CAPN13: variants seen among roughly 807,000 people sequenced by gnomAD.
CAPN13 encodes calpain-13.
CAPN13 carries 90 observed loss-of-function variants against 98.4 expected under a neutral mutation model. The ratio of observed to expected loss-of-function variants is 0.92; its 90% CI spans 0.77 to 1.09. CAPN13 has a LOEUF of 1.09. Ranked by LOEUF, CAPN13 falls within the 50% of genes least tolerant of loss-of-function variation. CAPN13 has a pLI of 0.00. For missense variants in CAPN13, 887 were observed against 841.3 expected (o/e 1.05, Z -0.67); for synonymous variants, 330 against 305.5 (o/e 1.08, Z -0.84).
At chr2:30,766,418 T>C (rs923454176) in intron 5 of CAPN13, among the ~76,000 whole-genome samples, 1 of 152,228 alleles carries the variant, frequency 6.6e-6, no homozygotes, top group Non-Finnish European at 1.5e-5. Flanking sequence ...ACAACGCCCA[T>C]GAAACCTGTC....
chr2:30,756,081 G>A (rs954884481), intron 8 of CAPN13, among the ~76,000 whole-genome samples: 1 of 151,974 alleles, frequency 6.6e-6, no homozygotes, highest in African/African-American at 2.4e-5. Context: ...GGTACAATAC[G>A]AGATCCAACA....
At chr2:30,741,217 G>A (rs747586146) in intron 15 of CAPN13, among the ~76,000 whole-genome samples, 4 of 152,070 alleles carry the variant, frequency 2.6e-5, no homozygotes, top group Non-Finnish European at 5.9e-5. Flanking sequence ...TCCCTACTTT[G>A]GCCCAGGCTG....
chr2:30,757,856 G>A (rs1202176949), intron 8 of CAPN13, among the ~76,000 whole-genome samples, 190 bp downstream of exon 8: 1 of 152,190 alleles, frequency 6.6e-6, no homozygotes, highest in African/African-American at 2.4e-5. Flanking sequence ...TACACAGTAG[G>A]TGCCCCATAG....
At chr2:30,734,753 C>T (rs184942810) in intron 18 of CAPN13, among the ~76,000 whole-genome samples, 16 of 152,328 alleles carry the variant, frequency 1.1e-4, no homozygotes, top group African/African-American at 3.8e-4. Flanking sequence ...TCTGTGCCCC[C>T]AGACTGGGCC....
At chr2:30,800,873 G>C (rs1675230041) in intron 1 of CAPN13, among the ~76,000 whole-genome samples, 1 of 152,164 alleles carries the variant, frequency 6.6e-6, no homozygotes, top group African/African-American at 2.4e-5. Flanking sequence ...ATGAGGTAGA[G>C]CATTCTTTTT....
chr2:30,761,013 C>A (rs986332600), intron 7 of CAPN13, among the ~76,000 whole-genome samples: 1 of 152,178 alleles, frequency 6.6e-6, no homozygotes, highest in African/African-American at 2.4e-5. Flanking sequence ...TTATTCCTAG[C>A]AAAAATGGTT....
intron 17 of CAPN13, 96 bp from the exon 18 acceptor site, chr2:30,736,667 C>A: frequency 9.1e-7 from 1 of 1,095,706 alleles, no homozygotes; most frequent in Non-Finnish European, 1.4e-6. Context: ...TCATCACTAG[C>A]AACACAGCTG....
chr2:30,745,802 A>T, intron 11 of CAPN13, 68 bp from the exon 12 acceptor site: 1 of 1,403,986 alleles, frequency 7.1e-7, no homozygotes, highest in Non-Finnish European at 9.8e-7. Flanking sequence ...GCAGAACCGA[A>T]CAGCTTGGCT....
chr2:30,776,010 T>C lies in CAPN13; in HGVS notation c.307A>G (p.Thr103Ala), dbSNP rs1192193003. The stretch of plus-strand genomic sequence containing the variant: ...TTCTGCCTGTACTGTGGGTTCTGAG[T>C]CAAGGATCCCAGTGCTGCCAGGAAC... ...CWFLAALGSL[T>A]QNPQYRQKIL... is the part of the protein sequence containing the mutation. The change falls in exon 4 of 23, where the codon ACT becomes GCT. Residue 103 changes from threonine (T) to alanine (A), a missense_variant. Physicochemically the swap from Thr to Ala is moderately conservative, Grantham distance 58. Transcript: ENST00000295055. The C allele has an allele frequency of 6.2e-7, 1 of 1,612,696 alleles. No homozygotes were observed. Among genetic ancestry groups the C allele is most frequent in the Non-Finnish European group, 8.5e-7 (1 of 1,179,314 alleles).
intron 8 of CAPN13, among the ~76,000 whole-genome samples, chr2:30,755,068 A>G (rs1672374195): frequency 6.6e-6 from 1 of 151,574 alleles, no homozygotes. Context: ...TTCTCACCTT[A>G]CCCCCACTCT....
At position 30,734,546 on chromosome 2, in the gene CAPN13, G is replaced by A. The variant is rs774276481; in HGVS notation, c.1723-22C>T. ...CATGCTAATAGGGGAAGAGAAGCAA[G>A]AAGTCTGTGTGAAGACTGGGAAGGT... On this transcript the variant is annotated intron_variant, in intron 18 of 22. Coordinates refer to ENST00000295055, the MANE Select transcript of CAPN13 (RefSeq NM_144575.3). 6 of 1,599,492 alleles carry A rather than the reference G, an allele frequency of 3.8e-6. No homozygotes were observed. In the African/African-American group the frequency reaches 6.7e-5, roughly 18 times the overall value.
chr2:30,760,942 C>A (rs1205824713), intron 7 of CAPN13, among the ~76,000 whole-genome samples: 2 of 152,212 alleles, frequency 1.3e-5, no homozygotes, highest in Non-Finnish European at 2.9e-5. Context: ...AGTTATCTAC[C>A]CTGCAGTAGT....
chr2:30,785,328 C>T (rs1674214491), intron 2 of CAPN13, among the ~76,000 whole-genome samples: 1 of 152,096 alleles, frequency 6.6e-6, no homozygotes, highest in East Asian at 1.9e-4. Flanking sequence ...GAAAACAAAG[C>T]AGATAAAGTA....
At chr2:30,724,621 A>G (rs1351015850) in intron 22 of CAPN13, among the ~76,000 whole-genome samples, 1 of 152,226 alleles carries the variant, frequency 6.6e-6, no homozygotes, top group Non-Finnish European at 1.5e-5. Context: ...AGCCAGCTCC[A>G]GAAGGCTGGA....
chr2:30,764,828 G>A (rs12478932), intron 5 of CAPN13, among the ~76,000 whole-genome samples: 14,699 of 152,112 alleles, frequency 0.097, 1,442 homozygotes, highest in East Asian at 0.43. Context: ...TGCCCTCTAA[G>A]AGCTCATAGC....
At chr2:30,796,334 T>A (rs1674882689) in intron 1 of CAPN13, among the ~76,000 whole-genome samples, 1 of 151,508 alleles carries the variant, frequency 6.6e-6, no homozygotes, top group Admixed American at 6.6e-5. Flanking sequence ...ATTGAGTAGG[T>A]TGTATATCAC....
In CAPN13 at chr2:30,758,982, TC is replaced by T. The variant is rs1188700377; in HGVS notation, c.775-846del. Among the ~76,000 whole-genome samples, 365 of 124,472 alleles carry T rather than the reference TC, an allele frequency of 2.9e-3. 1 individual carries two copies. Among genetic ancestry groups the T allele is most frequent in the Non-Finnish European group, 5.0e-3 (305 of 60,492 alleles). 81.7% of individuals were successfully genotyped at this position (124,472 alleles called of 152,430 possible). A position where few individuals can be genotyped will look rare whatever the true frequency, so the allele number is the denominator to read the frequency against. Reference sequence around the variant, plus strand: ...CCTTCCTTCTGTTTCTTTCCTTTCTTCCCCCCTTGCCCCTATCCTTTTCCCT... The same window carrying T: ...CCTTCCTTCTGTTTCTTTCCTTTCTTCCCCCTTGCCCCTATCCTTTTCCCT... On this transcript the variant is annotated intron_variant, in intron 7 of 22. Transcript: ENST00000295055.
intron 1 of CAPN13, among the ~76,000 whole-genome samples, chr2:30,799,379 C>A (rs1371574452): frequency 1.3e-5 from 2 of 152,330 alleles, no homozygotes; most frequent in East Asian, 1.9e-4. Flanking sequence ...CTGAGCCACT[C>A]TGCACTTCAG....
chr2:30,741,846 T>C, intron 15 of CAPN13, 62 bp downstream of exon 15: 1 of 1,612,478 alleles, frequency 6.2e-7, no homozygotes, highest in Non-Finnish European at 8.5e-7. Flanking sequence ...GTGAGAGCTG[T>C]CCCTCCCTCA....
Sources: gnomAD v4.1 joint callset for allele counts (sites outside exome capture counted in the v4.1 genomes callset) on GRCh38, gnomAD v4.1.1 for gene constraint, MANE v1.5 for transcripts, NCBI Gene and HGNC (gene_info 2026-07-23, HGNC 2026-07-21) for gene names.